GAREM1: variants seen among roughly 807,000 people sequenced by gnomAD.
GAREM1 encodes the protein GRB2-associated and regulator of MAPK protein 1.
A neutral mutation model predicts 71.3 loss-of-function variants in GAREM1; 26 were observed. That is an observed-to-expected ratio of 0.36 (90% CI 0.27 to 0.51). The LOEUF (loss-of-function observed/expected upper bound fraction) is 0.51, where lower values mean the gene tolerates loss of function less well. Ranked by LOEUF, GAREM1 falls within the 20% of genes least tolerant of loss-of-function variation. The probability of loss-of-function intolerance (pLI) is 0.95; values close to 1 mark genes in which losing one functional copy is unlikely to be tolerated. For missense variants in GAREM1, 1,026 were observed against 1,103.1 expected, an observed-to-expected ratio of 0.93 and a Z score of 0.99; for synonymous variants, 440 against 433.2, an observed-to-expected ratio of 1.02 and a Z score of -0.20.
chr18:32,451,512 A>T (rs1329107739), intron 1 of GAREM1, among the ~76,000 whole-genome samples: 1 of 152,124 alleles, frequency 6.6e-6, no homozygotes, highest in Non-Finnish European at 1.5e-5. Flanking sequence ...GGACTACTTA[A>T]TGCTTCCCTC....
intron 1 of GAREM1, among the ~76,000 whole-genome samples, chr18:32,445,119 A>G (rs947072726): frequency 1.3e-5 from 2 of 152,044 alleles, no homozygotes; most frequent in African/African-American, 4.8e-5. Flanking sequence ...TCAGCAACTC[A>G]AAGTCAGCAC....
chr18:32,273,727 GAGAA>G (rs2041498836), intron 4 of GAREM1, among the ~76,000 whole-genome samples: 4 of 151,966 alleles, frequency 2.6e-5, no homozygotes, highest in Admixed American at 2.6e-4. Flanking sequence ...GAGAGAGAGA[GAGAA>G]AGAAAGAGAG....
chr18:32,407,236 G>A (rs376459326), intron 1 of GAREM1, among the ~76,000 whole-genome samples: 14 of 152,312 alleles, frequency 9.2e-5, no homozygotes, highest in African/African-American at 3.4e-4. Context: ...AGTGTCACTT[G>A]AGCTTAGTTG....
intron 4 of GAREM1, among the ~76,000 whole-genome samples, chr18:32,277,830 CTCA>C (rs1480873239): frequency 1.3e-5 from 2 of 152,218 alleles, no homozygotes; most frequent in African/African-American, 4.8e-5. Flanking sequence ...CAGTAGGAAG[CTCA>C]TCATTGCATG....
Position 32,363,926 on chromosome 18 carries a change from AT to A in GAREM1, c.262+28968del, listed in dbSNP as rs1173959771. Among the ~76,000 whole-genome samples the A allele has an allele frequency of 1.2e-4, 17 of 146,724 alleles. No homozygotes were observed. The South Asian group carries it at 1.5e-3, about 13-fold the overall frequency. ...TATACACACACACACACATAAAAAA[AT>A]ATATATACACATACAAATGTATAAT... On this transcript the variant is annotated intron_variant, in intron 2 of 5. Coordinates refer to ENST00000269209, the MANE Select transcript of GAREM1 (RefSeq NM_001242409.2).
chr18:32,326,345 C>T (rs1158270934), intron 2 of GAREM1, among the ~76,000 whole-genome samples: 1 of 152,142 alleles, frequency 6.6e-6, no homozygotes, highest in Admixed American at 6.5e-5. Flanking sequence ...AATATAATTC[C>T]TGTAATAAAT....
chr18:32,282,334 G>C (rs921062104), intron 4 of GAREM1, among the ~76,000 whole-genome samples: 1 of 152,200 alleles, frequency 6.6e-6, no homozygotes, highest in Non-Finnish European at 1.5e-5. Context: ...GCTGAGGCAG[G>C]GGAATCGCTT....
At chr18:32,370,160 C>T (rs1004205608) in intron 2 of GAREM1, among the ~76,000 whole-genome samples, 7 of 152,110 alleles carry the variant, frequency 4.6e-5, no homozygotes, top group East Asian at 1.9e-4. Flanking sequence ...GGGCCGGGTG[C>T]GGTGGCTCAC....
chr18:32,400,239 A>T (rs370744612), intron 1 of GAREM1, among the ~76,000 whole-genome samples: 1 of 152,218 alleles, frequency 6.6e-6, no homozygotes, highest in African/African-American at 2.4e-5. Flanking sequence ...AACCTAGGCA[A>T]TACCATTCAG....
intron 4 of GAREM1, among the ~76,000 whole-genome samples, chr18:32,282,709 TA>T (rs2046967493): frequency 1.3e-5 from 2 of 152,186 alleles, no homozygotes; most frequent in South Asian, 4.1e-4. Context: ...GGTGCCAGGC[TA>T]ACCCTGCAGT....
intron 1 of GAREM1, among the ~76,000 whole-genome samples, chr18:32,405,294 G>T (rs2144676651): frequency 6.6e-6 from 1 of 152,200 alleles, no homozygotes; most frequent in South Asian, 2.1e-4. Flanking sequence ...CGCCTCCCGG[G>T]TTCAAGTGAT....
intron 2 of GAREM1, among the ~76,000 whole-genome samples, chr18:32,317,211 C>T (rs887950372): frequency 6.6e-6 from 1 of 152,056 alleles, no homozygotes; most frequent in Non-Finnish European, 1.5e-5. Flanking sequence ...TTAAGACCAA[C>T]CTGGCCAACA....
chr18:32,322,443 A>G (rs2047438072), intron 2 of GAREM1, among the ~76,000 whole-genome samples: 1 of 152,208 alleles, frequency 6.6e-6, no homozygotes, highest in Non-Finnish European at 1.5e-5. Context: ...TCACCAATCT[A>G]TTTATTTTCC....
At chr18:32,305,129 G>A (rs1266451403) in intron 3 of GAREM1, among the ~76,000 whole-genome samples, 1 of 151,792 alleles carries the variant, frequency 6.6e-6, no homozygotes, top group African/African-American at 2.4e-5. Flanking sequence ...AAAACCAGAT[G>A]GATAAAGAAA....
chr18:32,305,425 G>A (rs2047244321), intron 3 of GAREM1, among the ~76,000 whole-genome samples: 1 of 152,096 alleles, frequency 6.6e-6, no homozygotes, highest in South Asian at 2.1e-4. Context: ...CTCCTATTTT[G>A]CATCTCATTT....
chr18:32,376,714 T>G (rs951985764), intron 2 of GAREM1, among the ~76,000 whole-genome samples: 1 of 152,178 alleles, frequency 6.6e-6, no homozygotes, highest in South Asian at 2.1e-4. Flanking sequence ...GGCACATGCC[T>G]GTAATCCCAG....
intron 1 of GAREM1, among the ~76,000 whole-genome samples, chr18:32,400,035 T>A (rs2048297314): frequency 6.6e-6 from 1 of 152,224 alleles, no homozygotes; most frequent in African/African-American, 2.4e-5. Context: ...TATAACCATC[T>A]GCTCTTTGAC....
chr18:32,386,112 G>C (rs1380962903), intron 2 of GAREM1, among the ~76,000 whole-genome samples: 2 of 152,170 alleles, frequency 1.3e-5, no homozygotes, highest in African/African-American at 4.8e-5. Flanking sequence ...AGAAAGTTTG[G>C]TTATTTTCCA....
chr18:32,438,514 G>A (rs1211775524), intron 1 of GAREM1, among the ~76,000 whole-genome samples: 2 of 152,216 alleles, frequency 1.3e-5, no homozygotes, highest in African/African-American at 4.8e-5. Context: ...TGCTGCTGAG[G>A]ACAGGGGTTA....
Sources: allele counts gnomAD v4.1 joint callset (sites outside exome capture counted in the v4.1 genomes callset), GRCh38; gene constraint gnomAD v4.1.1; transcripts MANE v1.5; gene names NCBI Gene and HGNC (gene_info 2026-07-23, HGNC 2026-07-21).